Variants in ST6GALNAC3 observed in about 807,000 individuals in gnomAD.
ST6GALNAC3 encodes the protein alpha-N-acetylgalactosaminide alpha-2,6-sialyltransferase 3.
ST6GALNAC3 carries 25 observed loss-of-function variants against 32.7 expected under a neutral mutation model. The observed-to-expected ratio is 0.76, with a 90% CI of 0.56 to 1.07. The LOEUF (loss-of-function observed/expected upper bound fraction) is 1.07, where lower values mean the gene tolerates loss of function less well. Ranked by LOEUF, ST6GALNAC3 falls within the 50% of genes least tolerant of loss-of-function variation. The pLI is 0.00. For missense variants in ST6GALNAC3, 355 were observed against 382.4 expected (o/e 0.93, Z 0.60); for synonymous variants, 129 against 133.1 (o/e 0.97, Z 0.21).
intron 3 of ST6GALNAC3, among the ~76,000 whole-genome samples, chr1:76,531,356 G>A (rs1447967417): frequency 1.3e-5 from 2 of 152,164 alleles, no homozygotes; most frequent in African/African-American, 4.8e-5. Context: ...GCAGCCTGGG[G>A]CAAGGTGGCA....
chr1:76,313,582 T>A (rs763769652), intron 1 of ST6GALNAC3: 6 of 655,670 alleles, frequency 9.2e-6, no homozygotes, highest in South Asian at 4.7e-5. Flanking sequence ...GGAGATGCAA[T>A]GGAAGAGTTC....
Position 76,630,180 on chromosome 1 carries a change from G to C in ST6GALNAC3, c.*1374G>C, listed in dbSNP as rs1181128498. On this transcript the variant is annotated 3_prime_UTR_variant, in exon 5 of 5. Transcript: ENST00000328299. ...TACTTGCTAATATTTGTATAGAATA[G>C]AATTTATGTAAACTAGTAACCAGTT... The C allele has an allele frequency of 1.3e-5, 13 of 985,040 alleles. No homozygotes were observed. Among genetic ancestry groups the C allele is most frequent in the Admixed American group, 6.2e-5 (1 of 16,214 alleles). 61.0% of individuals were successfully genotyped at this position (985,040 alleles called of 1,614,324 possible). A position where few individuals can be genotyped will look rare whatever the true frequency, so the allele number is the denominator to read the frequency against.
chr1:76,592,019 A>G (rs1040363807), intron 3 of ST6GALNAC3, among the ~76,000 whole-genome samples: 3 of 152,194 alleles, frequency 2.0e-5, no homozygotes, highest in Non-Finnish European at 4.4e-5. Flanking sequence ...AGAAATGTAA[A>G]GAGAGATAAA....
At chr1:76,164,508 C>T (rs1294989100) in intron 1 of ST6GALNAC3, among the ~76,000 whole-genome samples, 2 of 152,082 alleles carry the variant, frequency 1.3e-5, no homozygotes, top group African/African-American at 4.8e-5. Flanking sequence ...CATTATGTAC[C>T]CCTTAAGCAG....
At chr1:76,224,689 A>T (rs575098623) in intron 1 of ST6GALNAC3, among the ~76,000 whole-genome samples, 63 of 152,308 alleles carry the variant, frequency 4.1e-4, no homozygotes, top group Non-Finnish European at 7.2e-4. Flanking sequence ...GCTTCTCAGG[A>T]TATCTCCAAA....
downstream of ST6GALNAC3, among the ~76,000 whole-genome samples, chr1:76,636,352 T>C (rs563772382): frequency 6.6e-6 from 1 of 152,326 alleles, no homozygotes; most frequent in East Asian, 1.9e-4. Context: ...TTTGTGCCTA[T>C]TTCCCTTTCA....
chr1:76,588,002 G>A (rs1646988292), intron 3 of ST6GALNAC3, among the ~76,000 whole-genome samples: 1 of 152,154 alleles, frequency 6.6e-6, no homozygotes, highest in Non-Finnish European at 1.5e-5. Context: ...GGAGAGGAAG[G>A]TGGGAAACAG....
At chr1:76,264,406 C>A (rs917442111) in intron 1 of ST6GALNAC3, among the ~76,000 whole-genome samples, 3 of 152,114 alleles carry the variant, frequency 2.0e-5, no homozygotes, top group African/African-American at 7.2e-5. Context: ...TTGGGTTCAC[C>A]AAGCACGTCT....
chr1:76,528,350 A>G (rs1663045587), intron 3 of ST6GALNAC3, among the ~76,000 whole-genome samples: 1 of 152,178 alleles, frequency 6.6e-6, no homozygotes, highest in African/African-American at 2.4e-5. Flanking sequence ...CGCTTGCCTA[A>G]GGTCACACAG....
chr1:76,518,309 G>C (rs1662294303), intron 3 of ST6GALNAC3, among the ~76,000 whole-genome samples: 1 of 151,970 alleles, frequency 6.6e-6, no homozygotes, highest in African/African-American at 2.4e-5. Context: ...TCATTTTCAT[G>C]TAATTATGAT....
chr1:76,627,538 T>C lies in ST6GALNAC3; in HGVS notation c.710T>C (p.Met237Thr), dbSNP rs1490374202. ...TGTTATGGCATTCACGTCTACGGGATGATAAATGACACCTACTGCAAGTAA... is the reference window on the plus strand; with the variant it reads ...TGTTATGGCATTCACGTCTACGGGACGATAAATGACACCTACTGCAAGTAA... The part of the protein sequence containing the change: ...DACYGIHVYG[M>T]INDTYCKTEG... Residue 237 changes from methionine (M) to threonine (T), a missense_variant, in exon 4 of 5, where the codon ATG becomes ACG. Met to Thr is a moderately conservative substitution (Grantham distance 81). Coordinates refer to ENST00000328299, the MANE Select transcript of ST6GALNAC3 (RefSeq NM_152996.4). 6.2e-7 allele frequency: 1 copy of C among 1,612,416 alleles called. No individual in the cohort carries two copies. The highest frequency in any genetic ancestry group is 1.7e-5 in the Admixed American group (1 of 59,942).
At chr1:76,394,516 G>A (rs1190174366) in intron 2 of ST6GALNAC3, among the ~76,000 whole-genome samples, 14 of 152,086 alleles carry the variant, frequency 9.2e-5, no homozygotes. Flanking sequence ...ATATAGAAAA[G>A]ATATGGCCAC....
At chr1:76,393,785 A>G (rs1652739202) in intron 2 of ST6GALNAC3, among the ~76,000 whole-genome samples, 1 of 152,124 alleles carries the variant, frequency 6.6e-6, no homozygotes, top group Non-Finnish European at 1.5e-5. Context: ...ATAAACCTCT[A>G]CTGGCTCCCA....
chr1:76,540,898 TG>T (rs2100284841), intron 3 of ST6GALNAC3, among the ~76,000 whole-genome samples: 1 of 152,270 alleles, frequency 6.6e-6, no homozygotes, highest in Admixed American at 6.5e-5. Context: ...TTCATAATGT[TG>T]GGGAAACCAA....
chr1:76,612,697 A>C (rs953800779), intron 3 of ST6GALNAC3, among the ~76,000 whole-genome samples: 74 of 152,142 alleles, frequency 4.9e-4, no homozygotes, highest in African/African-American at 1.7e-3. Context: ...CTTTCATATA[A>C]ATCTGGGCAC....
At chr1:76,459,077 A>G (rs115208308) in intron 3 of ST6GALNAC3, among the ~76,000 whole-genome samples, 1 of 152,156 alleles carries the variant, frequency 6.6e-6, no homozygotes, top group African/African-American at 2.4e-5. Flanking sequence ...TGTGCCTCCC[A>G]GCATATTGGG....
intron 1 of ST6GALNAC3, among the ~76,000 whole-genome samples, chr1:76,126,997 A>G (rs1649297620): frequency 1.3e-5 from 2 of 152,242 alleles, no homozygotes; most frequent in Non-Finnish European, 2.9e-5. Flanking sequence ...TATTAGGCAC[A>G]TAAGAAAATG....
intron 3 of ST6GALNAC3, among the ~76,000 whole-genome samples, chr1:76,422,804 C>T (rs756679427): frequency 1.4e-4 from 22 of 152,008 alleles, no homozygotes; most frequent in Admixed American, 2.6e-4. Flanking sequence ...ATTCTATTGG[C>T]ATATTGTTGC....
intron 2 of ST6GALNAC3, among the ~76,000 whole-genome samples, chr1:76,330,717 C>G (rs1011355196): frequency 6.6e-6 from 1 of 152,158 alleles, no homozygotes; most frequent in African/African-American, 2.4e-5. Context: ...AATGAATAAT[C>G]TAAGGGACAG....
Sources: allele counts gnomAD v4.1 joint callset (sites outside exome capture counted in the v4.1 genomes callset), GRCh38; gene constraint gnomAD v4.1.1; transcripts MANE v1.5; gene names NCBI Gene and HGNC (gene_info 2026-07-23, HGNC 2026-07-21).